MS4A12: variants seen among roughly 807,000 people sequenced by gnomAD.
MS4A12 encodes membrane spanning 4-domains A12.
A neutral mutation model predicts 23.7 loss-of-function variants in MS4A12; 28 were observed. The ratio of observed to expected loss-of-function variants is 1.18; its 90% CI spans 0.88 to 1.62. MS4A12 has a LOEUF of 1.62. Ranked by LOEUF, MS4A12 falls within the 40% of genes most tolerant of loss-of-function variation. The pLI, the probability that MS4A12 is intolerant of heterozygous loss-of-function variation, is 0.00. For missense variants in MS4A12, 342 were observed against 327.0 expected (o/e 1.05, Z -0.35); for synonymous variants, 108 against 110.1 (o/e 0.98, Z 0.12).
intron 2 of MS4A12, among the ~76,000 whole-genome samples, chr11:60,500,299 A>G (rs1487274326): frequency 2.0e-5 from 3 of 152,096 alleles, no homozygotes; most frequent in African/African-American, 7.2e-5. Flanking sequence ...AAAATCAAGT[A>G]ATAAGGTGTG....
intron 1 of MS4A12, among the ~76,000 whole-genome samples, chr11:60,496,493 A>G (rs1412218121): frequency 6.6e-6 from 1 of 152,222 alleles, no homozygotes; most frequent in African/African-American, 2.4e-5. Context: ...AATGAATAAA[A>G]GCATTTTTCC....
intron 1 of MS4A12, 78 bp from the exon 2 acceptor site, chr11:60,497,232 TGAC>T: frequency 7.0e-7 from 1 of 1,427,190 alleles, no homozygotes; most frequent in Non-Finnish European, 9.5e-7. Context: ...CATAGATAAT[TGAC>T]ATTTGACATT....
At position 60,506,845 on chromosome 11, in the gene MS4A12, T is replaced by C. The variant is rs1386906911; in HGVS notation, c.699+7T>C. Reference sequence around the variant, plus strand: ...AAACACCACAACCAATATGGTGAGTTGGGTCTCTTCTTTGTAAAATAATCT... The same window carrying C: ...AAACACCACAACCAATATGGTGAGTCGGGTCTCTTCTTTGTAAAATAATCT... On this transcript the variant is annotated splice_region_variant and intron_variant, in intron 6 of 6. Transcript: ENST00000016913. The C allele has an allele frequency of 6.2e-7, 1 of 1,606,970 alleles. No individual in the cohort carries two copies. Among genetic ancestry groups the C allele is most frequent in the African/African-American group, 1.3e-5 (1 of 74,784 alleles).
At chr11:60,496,088 T>G (rs1042167869) in intron 1 of MS4A12, among the ~76,000 whole-genome samples, 5 of 152,226 alleles carry the variant, frequency 3.3e-5, no homozygotes, top group African/African-American at 9.6e-5. Flanking sequence ...ATTTCTCATC[T>G]GTAAATCAAG....
intron 1 of MS4A12, among the ~76,000 whole-genome samples, chr11:60,493,412 G>T (rs908706531): frequency 9.3e-5 from 14 of 150,716 alleles, no homozygotes; most frequent in African/African-American, 3.4e-4. Context: ...GCTAAGAAAG[G>T]TGAATAATAG....
chr11:60,503,688 C>G lies in MS4A12; in HGVS notation c.472-13C>G. On this transcript the variant is annotated splice_polypyrimidine_tract_variant and intron_variant, in intron 4 of 6. Coordinates refer to ENST00000016913, the MANE Select transcript of MS4A12 (RefSeq NM_017716.3). ...CCTGTATATAATTGATTTTTTCCTG[C>G]CATCTCCATTAGGTGAAAGGCAGCC... 1 of 1,593,164 alleles carries G rather than the reference C, an allele frequency of 6.3e-7. No individual in the cohort carries two copies. Among genetic ancestry groups the G allele is most frequent in the Non-Finnish European group, 8.6e-7 (1 of 1,165,790 alleles).
intron 5 of MS4A12, among the ~76,000 whole-genome samples, chr11:60,505,494 A>G (rs1406406960): frequency 6.9e-6 from 1 of 144,642 alleles, no homozygotes; most frequent in Non-Finnish European, 1.5e-5. Context: ...ACCCTCCAAA[A>G]TACCAAACAA....
At position 60,497,422 on chromosome 11, in the gene MS4A12, G is replaced by A. The variant is rs775981038; in HGVS notation, c.104G>A (p.Gly35Asp). 4.3e-6 allele frequency: 7 copies of A among 1,614,164 alleles called. No homozygotes were observed. The highest frequency in any genetic ancestry group is 5.9e-6 in the Non-Finnish European group (7 of 1,180,032). The change falls in exon 2 of 7, where the codon GGT (glycine) becomes GAT (aspartate). Residue 35 changes from glycine (G) to aspartate (D), a missense_variant. Gly to Asp is a moderately conservative substitution (Grantham distance 94). Transcript: ENST00000016913. ...GCTCCTGGATTTCAACAGCCTCTGGGTTCAATCAACTTAGAAAACCAAGCT... is the reference window on the plus strand; with the variant it reads ...GCTCCTGGATTTCAACAGCCTCTGGATTCAATCAACTTAGAAAACCAAGCT... ...FMAPGFQQPLGSINLENQAQG... is the reference protein window; with the variant it reads ...FMAPGFQQPLDSINLENQAQG...
chr11:60,497,339 A>G lies in MS4A12; in HGVS notation c.21A>G (p.Thr7=). 6.2e-7 allele frequency: 1 copy of G among 1,613,690 alleles called. No homozygotes were observed. Among genetic ancestry groups the G allele is most frequent in the Non-Finnish European group, 8.5e-7 (1 of 1,179,800 alleles). The change falls in exon 2 of 7, where the codon ACA becomes ACG. Residue 7 remains threonine, a synonymous_variant. Transcript: ENST00000016913. ...ACATAATGATGTCATCCAAGCCAAC[A>G]AGCCATGCTGAAGTAAATGAAACCA... MMSSKP[T]SHAEVNETIP...
chr11:60,495,665 G>A (rs1043207721), intron 1 of MS4A12, among the ~76,000 whole-genome samples: 3 of 152,046 alleles, frequency 2.0e-5, no homozygotes, highest in African/African-American at 7.2e-5. Context: ...TAACAAACTT[G>A]CCAAAGACAC....
chr11:60,505,432 A>G (rs569732910), intron 5 of MS4A12, among the ~76,000 whole-genome samples: 1 of 152,300 alleles, frequency 6.6e-6, no homozygotes, highest in East Asian at 1.9e-4. Flanking sequence ...AGGCAAAAAT[A>G]GATGAGAAAG....
chr11:60,507,217 C>A lies in MS4A12; in HGVS notation c.*93C>A, dbSNP rs2086577921. ...TGTCTTTTATTGTCTACAATGATTT[C>A]TAGTCTTTAAAAACTGTGTTTGAGA... On this transcript the variant is annotated 3_prime_UTR_variant, in exon 7 of 7. Transcript: ENST00000016913. 2 of 1,042,204 alleles carry A rather than the reference C, an allele frequency of 1.9e-6. No individual in the cohort carries two copies. The highest frequency in any genetic ancestry group is 2.9e-6 in the Non-Finnish European group (2 of 692,218). The allele number at this position is 1,042,204 out of a possible 1,614,324, so 64.6% of individuals were successfully genotyped here. A position where few individuals can be genotyped will look rare whatever the true frequency, so the allele number is the denominator to read the frequency against.
chr11:60,502,117 G>C (rs1565204900), intron 4 of MS4A12, 78 bp downstream of exon 4: 1 of 1,435,366 alleles, frequency 7.0e-7, no homozygotes, highest in Non-Finnish European at 9.7e-7. Flanking sequence ...TGAAAAGCTG[G>C]ATTTGGGAAA....
At chr11:60,494,444 T>C (rs909811594) in intron 1 of MS4A12, among the ~76,000 whole-genome samples, 1 of 152,212 alleles carries the variant, frequency 6.6e-6, no homozygotes, top group African/African-American at 2.4e-5. Flanking sequence ...AATTCTTTAA[T>C]TGTATGCTTT....
At chr11:60,504,318 C>T (rs2086554542) in intron 5 of MS4A12, among the ~76,000 whole-genome samples, 1 of 152,104 alleles carries the variant, frequency 6.6e-6, no homozygotes, top group Non-Finnish European at 1.5e-5. Context: ...ATTCATTAGC[C>T]TTATATAGCC....
intron 2 of MS4A12, among the ~76,000 whole-genome samples, chr11:60,500,735 CT>C (rs2086523908): frequency 6.6e-6 from 1 of 152,184 alleles, no homozygotes; most frequent in African/African-American, 2.4e-5. Context: ...TTCTAATAGT[CT>C]TTTAGAGGCC....
chr11:60,501,863 GA>G, intron 3 of MS4A12, 119 bp from the exon 4 acceptor site: 1 of 864,716 alleles, frequency 1.2e-6, no homozygotes, highest in Admixed American at 2.3e-5. Flanking sequence ...TCAGAAGTGC[GA>G]GAGAAAATTT....
At chr11:60,502,865 C>T (rs1360611758) in intron 4 of MS4A12, among the ~76,000 whole-genome samples, 1 of 151,998 alleles carries the variant, frequency 6.6e-6, no homozygotes, top group Non-Finnish European at 1.5e-5. Flanking sequence ...AATAAAGCAC[C>T]CTTTCTCTGC....
chr11:60,499,067 T>C (rs1042697184), intron 2 of MS4A12, among the ~76,000 whole-genome samples: 4 of 152,190 alleles, frequency 2.6e-5, no homozygotes, highest in Non-Finnish European at 5.9e-5. Context: ...AGGCGTGTGA[T>C]AAAAATACTT....
Sources: allele counts gnomAD v4.1 joint callset (sites outside exome capture counted in the v4.1 genomes callset), GRCh38; gene constraint gnomAD v4.1.1; transcripts MANE v1.5; gene names NCBI Gene and HGNC (gene_info 2026-07-23, HGNC 2026-07-21).